Variants in PTN observed in about 807,000 individuals in gnomAD.
PTN encodes heparin affin regulatory protein.
PTN carries 18 observed loss-of-function variants against 24.1 expected under a neutral mutation model. That is an observed-to-expected ratio of 0.75 (90% CI 0.52 to 1.11). The LOEUF is 1.11. PTN is among the 50% of genes least tolerant of loss of function. The probability of loss-of-function intolerance (pLI) is 0.00; values close to 1 mark genes in which losing one functional copy is unlikely to be tolerated. For synonymous variants in PTN, 78 were observed against 68.6 expected (o/e 1.14, Z -0.67); for missense variants, 163 against 198.8 (o/e 0.82, Z 1.08).
At chr7:137,295,566 A>C (rs938154913) in intron 1 of PTN, among the ~76,000 whole-genome samples, 4 of 152,236 alleles carry the variant, frequency 2.6e-5, no homozygotes, top group African/African-American at 9.6e-5. Context: ...TGAATTTCAA[A>C]AGCAGTATGA....
intron 1 of PTN, among the ~76,000 whole-genome samples, chr7:137,256,163 G>T (rs1808919991): frequency 6.6e-6 from 1 of 152,036 alleles, no homozygotes. Flanking sequence ...TGTATATGCT[G>T]TCTCTTATTA....
Position 137,254,960 on chromosome 7 carries a change from T to C in PTN, c.14A>G (p.Gln5Arg), listed in dbSNP as rs772065463. 4 of 1,547,180 alleles carry C rather than the reference T, an allele frequency of 2.6e-6. No individual in the cohort carries two copies. The South Asian group carries it at 4.8e-5, about 19-fold the overall frequency. ...AAATTTTCGACGCTGCTGCTGGTAC[T>C]GTTGAGCCTGCATTCTAGGAATAAA... MQAQ[Q>R]YQQQRRKFAA... The change falls in exon 2 of 5, where the codon CAG becomes CGG. Residue 5 changes from glutamine (Q) to arginine (R), a missense_variant. Transcript: ENST00000348225.
intron 1 of PTN, among the ~76,000 whole-genome samples, chr7:137,281,460 T>C (rs1174056960): frequency 6.6e-6 from 1 of 152,166 alleles, no homozygotes; most frequent in Non-Finnish European, 1.5e-5. Flanking sequence ...TCAGAACCCC[T>C]TGCTGTGCAA....
At chr7:137,280,725 A>AAAAAAAAAAAAAAAAT (rs71176392) in intron 1 of PTN, among the ~76,000 whole-genome samples, 1 of 138,396 alleles carries the variant, frequency 7.2e-6, no homozygotes, top group African/African-American at 2.7e-5. Context: ...AAAAAAAAAA[A>AAAAAAAAAAAAAAAAT]GCTGAGTGTG....
intron 1 of PTN, among the ~76,000 whole-genome samples, chr7:137,336,162 A>T (rs1462694191): frequency 6.6e-6 from 1 of 152,138 alleles, no homozygotes; most frequent in Non-Finnish European, 1.5e-5. Context: ...GAGCTTACAG[A>T]TGTTGCGTCG....
At position 137,287,452 on chromosome 7, in the gene PTN, A is replaced by ATT. The variant is rs60406979; in HGVS notation, c.-1-32480_-1-32479dup. 2.7e-4 allele frequency among the ~76,000 whole-genome samples: 41 copies of ATT among 149,568 alleles called. No individual in the cohort carries two copies. The East Asian group carries it at 6.3e-3, about 23-fold the overall frequency. On this transcript the variant is annotated intron_variant, in intron 1 of 4. Coordinates refer to ENST00000348225, the MANE Select transcript of PTN (RefSeq NM_002825.7). ...GTGAAATAAGTAAGACAAAATATGC[A>ATT]TTTTTTTTTTCAGAGAATTGTAAAA...
At chr7:137,251,909 C>A (rs1371138511) in intron 3 of PTN, among the ~76,000 whole-genome samples, 1 of 151,668 alleles carries the variant, frequency 6.6e-6, no homozygotes, top group African/African-American at 2.4e-5. Context: ...TCCCAATGTA[C>A]CCCAGTTTGT....
chr7:137,337,699 C>A (rs969654653), intron 1 of PTN, among the ~76,000 whole-genome samples: 1 of 152,082 alleles, frequency 6.6e-6, no homozygotes, highest in African/African-American at 2.4e-5. Flanking sequence ...ACCAGCAAGC[C>A]TATATGACAT....
chr7:137,341,557 C>T (rs1489054004), intron 1 of PTN, among the ~76,000 whole-genome samples: 1 of 152,024 alleles, frequency 6.6e-6, no homozygotes, highest in Non-Finnish European at 1.5e-5. Context: ...CATTTAAAGT[C>T]AGATAATTAA....
intron 4 of PTN, among the ~76,000 whole-genome samples, 168 bp from the exon 5 acceptor site, chr7:137,228,243 A>ATGTG (rs374303441): frequency 6.6e-6 from 1 of 151,278 alleles, no homozygotes; most frequent in Admixed American, 6.6e-5. Context: ...GTGTATGTGC[A>ATGTG]TGTGTGTGTG....
At chr7:137,228,255 G>GTC (rs1808368171) in intron 4 of PTN, among the ~76,000 whole-genome samples, 180 bp from the exon 5 acceptor site, 1 of 151,786 alleles carries the variant, frequency 6.6e-6, no homozygotes, top group South Asian at 2.1e-4. Flanking sequence ...GTGTGTGTGT[G>GTC]TGTCTGTCTG....
chr7:137,234,577 C>T (rs767156189), intron 4 of PTN, among the ~76,000 whole-genome samples: 2 of 151,970 alleles, frequency 1.3e-5, no homozygotes, highest in African/African-American at 2.4e-5. Context: ...TATAAGTAAA[C>T]ATCAACTCCC....
intron 1 of PTN, among the ~76,000 whole-genome samples, chr7:137,307,011 C>T (rs1389087995): frequency 6.6e-6 from 1 of 151,962 alleles, no homozygotes; most frequent in Non-Finnish European, 1.5e-5. Context: ...ACTAGCAACC[C>T]TTTGAAAAGT....
At chr7:137,246,512 A>G (rs1009217283) in intron 4 of PTN, among the ~76,000 whole-genome samples, 4 of 152,178 alleles carry the variant, frequency 2.6e-5, no homozygotes, top group African/African-American at 4.8e-5. Flanking sequence ...TCATGACTGC[A>G]ATGCCCTTTA....
In PTN at chr7:137,237,714, G is replaced by A. The variant is rs1011688593; in HGVS notation, c.452-9639C>T. 7.2e-5 allele frequency among the ~76,000 whole-genome samples: 11 copies of A among 152,066 alleles called. No individual in the cohort carries two copies. The East Asian group carries it at 7.8e-4, about 11-fold the overall frequency. ...AAGCAGGTGAGCTATTCCCCACCACGTGATTTCTTCTGCCCCAAAAGACCC... is the reference window on the plus strand; with the variant it reads ...AAGCAGGTGAGCTATTCCCCACCACATGATTTCTTCTGCCCCAAAAGACCC... On this transcript the variant is annotated intron_variant, in intron 4 of 4. Transcript: ENST00000348225.
At chr7:137,279,311 C>T (rs1019901771) in intron 1 of PTN, among the ~76,000 whole-genome samples, 2 of 152,094 alleles carry the variant, frequency 1.3e-5, no homozygotes, top group East Asian at 1.9e-4. Flanking sequence ...GGAGAAAAAT[C>T]GCATGGTCAT....
At chr7:137,257,482 G>A (rs1808954096) in intron 1 of PTN, among the ~76,000 whole-genome samples, 1 of 152,096 alleles carries the variant, frequency 6.6e-6, no homozygotes, top group African/African-American at 2.4e-5. Context: ...CTTTGAGTTG[G>A]GCACTGGTAC....
At chr7:137,326,172 TC>T (rs1390272329) in intron 1 of PTN, 1 of 151,928 alleles carries the variant, frequency 6.6e-6, no homozygotes, top group Non-Finnish European at 1.5e-5. Context: ...TGAAAGGGCC[TC>T]CCAGGCATTG....
At chr7:137,248,139 G>T (rs576808726) in intron 4 of PTN, among the ~76,000 whole-genome samples, 8 of 152,290 alleles carry the variant, frequency 5.3e-5, no homozygotes, top group Admixed American at 2.6e-4. Flanking sequence ...ATTACTATTT[G>T]CTTTCCCATT....
Sources: gnomAD v4.1 joint callset for allele counts (sites outside exome capture counted in the v4.1 genomes callset) on GRCh38, gnomAD v4.1.1 for gene constraint, MANE v1.5 for transcripts, NCBI Gene and HGNC (gene_info 2026-07-23, HGNC 2026-07-21) for gene names.